Variants in SDK1 observed in about 807,000 individuals in gnomAD.
SDK1 encodes the protein protein sidekick-1.
A neutral mutation model predicts 245.5 loss-of-function variants in SDK1; 157 were observed. The observed-to-expected ratio is 0.64, with a 90% CI of 0.56 to 0.73. The LOEUF (loss-of-function observed/expected upper bound fraction) is 0.73. SDK1 is among the 30% of genes least tolerant of loss of function. The pLI, the probability that SDK1 is intolerant of heterozygous loss-of-function variation, is 0.00. For synonymous variants in SDK1, 1,647 were observed against 1,278.5 expected (o/e 1.29, Z -6.15); for missense variants, 3,583 against 3,002.3 (o/e 1.19, Z -4.52).
chr7:4,074,759 A>C (rs13229520), intron 20 of SDK1, among the ~76,000 whole-genome samples: 47,335 of 149,178 alleles, frequency 0.32, 7,944 homozygotes, highest in Middle Eastern at 0.4. Flanking sequence ...GCTACTTGAG[A>C]GACTGAGGTG....
At chr7:4,148,037 T>C (rs562038190) in intron 29 of SDK1, among the ~76,000 whole-genome samples, 12 of 146,868 alleles carry the variant, frequency 8.2e-5, no homozygotes, top group East Asian at 4.5e-4. Context: ...AGATTTTCCA[T>C]TGGGGCCCCC....
intron 1 of SDK1, among the ~76,000 whole-genome samples, chr7:3,360,279 T>A (rs997844633): frequency 6.6e-6 from 1 of 152,202 alleles, no homozygotes; most frequent in Non-Finnish European, 1.5e-5. Context: ...AGACAATCTG[T>A]TGAATTATAT....
intron 13 of SDK1, among the ~76,000 whole-genome samples, chr7:3,981,603 C>T (rs997497502): frequency 6.6e-6 from 1 of 152,194 alleles, no homozygotes; most frequent in African/African-American, 2.4e-5. Flanking sequence ...AGGGAACACA[C>T]AAATGATAAG....
intron 2 of SDK1, among the ~76,000 whole-genome samples, chr7:3,622,719 C>G (rs1220142782): frequency 1.3e-5 from 2 of 152,154 alleles, no homozygotes; most frequent in Non-Finnish European, 2.9e-5. Flanking sequence ...GAGGGAGTGA[C>G]TCGTTATATG....
At chr7:3,843,996 A>G (rs1268078381) in intron 5 of SDK1, among the ~76,000 whole-genome samples, 1 of 152,182 alleles carries the variant, frequency 6.6e-6, no homozygotes, top group East Asian at 1.9e-4. Flanking sequence ...TATTAGACAG[A>G]GTCTCACCGT....
At position 3,820,992 on chromosome 7, in the gene SDK1, A is replaced by T. The variant is rs570787650; in HGVS notation, c.714-458A>T. Among the ~76,000 whole-genome samples, 147 of 152,366 alleles carry T rather than the reference A, an allele frequency of 9.6e-4. 1 individual carries two copies. The highest frequency in any genetic ancestry group is 3.4e-3 in the African/African-American group (142 of 41,596). ...ACTTTCCTTCTACGCACCAGTGTAG[A>T]TATCCATACACAAAGCCTCTGATGA... On this transcript the variant is annotated intron_variant, in intron 4 of 44. Transcript: ENST00000404826.
chr7:3,535,720 A>G (rs188630482), intron 1 of SDK1, among the ~76,000 whole-genome samples: 5 of 152,322 alleles, frequency 3.3e-5, no homozygotes, highest in East Asian at 1.9e-4. Context: ...ATGCGTGTCT[A>G]CATACACAGC....
chr7:4,014,321 G>A (rs1054322009), intron 16 of SDK1, among the ~76,000 whole-genome samples: 4 of 152,226 alleles, frequency 2.6e-5, no homozygotes, highest in African/African-American at 7.2e-5. Context: ...TTTCTGTGAT[G>A]GGGTCAGTAG....
At chr7:3,598,287 ACT>A (rs1342865934) in intron 1 of SDK1, among the ~76,000 whole-genome samples, 3 of 151,756 alleles carry the variant, frequency 2.0e-5, no homozygotes, top group Non-Finnish European at 2.9e-5. Flanking sequence ...TTCTTTATAG[ACT>A]CTGGATATAA....
intron 4 of SDK1, among the ~76,000 whole-genome samples, chr7:3,769,431 T>C (rs1583395109): frequency 6.6e-6 from 1 of 152,262 alleles, no homozygotes. Flanking sequence ...ACTCCTATGA[T>C]AACCCTTTAA....
At chr7:4,207,033 C>T (rs1236283172) in intron 36 of SDK1, among the ~76,000 whole-genome samples, 2 of 152,238 alleles carry the variant, frequency 1.3e-5, no homozygotes, top group East Asian at 3.9e-4. Context: ...AGACACTGAT[C>T]TTGGATATTG....
chr7:3,350,766 C>T (rs1261676860), intron 1 of SDK1, among the ~76,000 whole-genome samples: 1 of 152,122 alleles, frequency 6.6e-6, no homozygotes, highest in Admixed American at 6.5e-5. Flanking sequence ...TTTGTACTGG[C>T]TTGTTTACTT....
At chr7:3,912,015 G>A (rs947044045) in intron 5 of SDK1, among the ~76,000 whole-genome samples, 1 of 152,168 alleles carries the variant, frequency 6.6e-6, no homozygotes, top group African/African-American at 2.4e-5. Flanking sequence ...GAGCTTGTAG[G>A]TGCGGGGGCG....
chr7:3,582,051 TCAGGTAGGCCTGTC>T, intron 1 of SDK1, among the ~76,000 whole-genome samples: 1 of 58,312 alleles, frequency 1.7e-5, no homozygotes, highest in Admixed American at 2.8e-4. Context: ...TAGGTCTCCC[TCAGGTAGGCCTGTC>T]TCAGGTAGGT....
At chr7:3,688,129 T>A (rs1186564308) in intron 4 of SDK1, among the ~76,000 whole-genome samples, 2 of 152,256 alleles carry the variant, frequency 1.3e-5, no homozygotes, top group Non-Finnish European at 2.9e-5. Context: ...ATACAGCTAC[T>A]TCCTAACTCC....
intron 28 of SDK1, among the ~76,000 whole-genome samples, chr7:4,137,867 A>G (rs1299312278): frequency 6.6e-6 from 1 of 152,180 alleles, no homozygotes; most frequent in Non-Finnish European, 1.5e-5. Context: ...AACACCATCT[A>G]TCATTATTCT....
At chr7:3,920,664 G>T (rs757977112) in intron 5 of SDK1, among the ~76,000 whole-genome samples, 4 of 152,204 alleles carry the variant, frequency 2.6e-5, no homozygotes, top group South Asian at 2.1e-4. Context: ...GCAAGCTGGG[G>T]CTGCAGGTGG....
At chr7:3,412,436 A>G (rs1779235891) in intron 1 of SDK1, among the ~76,000 whole-genome samples, 1 of 152,208 alleles carries the variant, frequency 6.6e-6, no homozygotes, top group Non-Finnish European at 1.5e-5. Flanking sequence ...CTATGTAATT[A>G]GGACATAGGC....
chr7:4,139,617 GTGTGTGTGTATATGTATATA>G (rs1779394179), intron 28 of SDK1, among the ~76,000 whole-genome samples: 1 of 50,540 alleles, frequency 2.0e-5, no homozygotes, highest in African/African-American at 6.4e-5. Context: ...GTGTGTATAT[GTGTGTGTGTATATGTATATA>G]TGTGTGTGTA....
Sources: allele counts gnomAD v4.1 joint callset (sites outside exome capture counted in the v4.1 genomes callset), GRCh38; gene constraint gnomAD v4.1.1; transcripts MANE v1.5; gene names NCBI Gene and HGNC (gene_info 2026-07-23, HGNC 2026-07-21).